ARID1B: variants seen among roughly 807,000 people sequenced by gnomAD.
ARID1B encodes AT-rich interaction domain 1B.
A neutral mutation model predicts 212.3 loss-of-function variants in ARID1B; 30 were observed. The ratio of observed to expected loss-of-function variants is 0.14; its 90% CI spans 0.11 to 0.19. ARID1B has a LOEUF of 0.19. ARID1B is among the 10% of genes least tolerant of loss of function. The probability of loss-of-function intolerance (pLI) is 1.00; values close to 1 mark genes in which losing one functional copy is unlikely to be tolerated. For missense variants in ARID1B, 2,891 were observed against 3,204.0 expected, an observed-to-expected ratio of 0.90 and a Z score of 2.36; for synonymous variants, 1,402 against 1,301.7, an observed-to-expected ratio of 1.08 and a Z score of -1.66.
intron 1 of ARID1B, among the ~76,000 whole-genome samples, chr6:156,788,354 A>G (rs1405029243): frequency 1.3e-5 from 2 of 152,124 alleles, no homozygotes; most frequent in African/African-American, 4.8e-5. Flanking sequence ...AGTTGTATAA[A>G]TTGGTTTTGG....
intron 1 of ARID1B, among the ~76,000 whole-genome samples, chr6:156,791,477 GTTCCATTCT>G (rs1780003257): frequency 6.6e-6 from 1 of 152,232 alleles, no homozygotes; most frequent in African/African-American, 2.4e-5. Context: ...TACGTGAGCT[GTTCCATTCT>G]TAACCTCTTT....
At chr6:156,958,044 GAAT>G (rs1426939898) in intron 4 of ARID1B, among the ~76,000 whole-genome samples, 1 of 152,190 alleles carries the variant, frequency 6.6e-6, no homozygotes, top group Non-Finnish European at 1.5e-5. Context: ...TGGGTAGTTA[GAAT>G]AATATGTTCC....
chr6:157,190,114 C>A lies in ARID1B; in HGVS notation c.4135C>A (p.Pro1379Thr). ...CTTCCCGAAACGGAACTCCATGACTCCAAACGCCCCCTACCAGCAGGGCAT... is the reference window on the plus strand; with the variant it reads ...CTTCCCGAAACGGAACTCCATGACTACAAACGCCCCCTACCAGCAGGGCAT... ...SSFPKRNSMT[P>T]NAPYQQGMSM... Residue 1379 changes from proline (P) to threonine (T), a missense_variant, in exon 15 of 20, where the codon CCA becomes ACA. Pro to Thr is a conservative substitution (Grantham distance 38). This residue lies in a region of ARID1B where 666 missense variants were observed against 873.5 expected (regional missense o/e 0.76). Transcript: ENST00000636930. This position sits in a 1 kb window ranked among gnomAD's most constrained non-coding sequence, Gnocchi z 4.6. 2 of 1,614,220 alleles carry A rather than the reference C, an allele frequency of 1.2e-6. No homozygotes were observed. Among genetic ancestry groups the A allele is most frequent in the Non-Finnish European group, 1.7e-6 (2 of 1,180,050 alleles).
In ARID1B at chr6:157,209,827, T is replaced by C; in HGVS notation, c.*1936T>C. On this transcript the variant is annotated 3_prime_UTR_variant, in exon 20 of 20. Transcript: ENST00000636930. ...TACCTGGTGCACAGTAGCTTTTTAA[T>C]ACTAGTCACTTCTAATTTAAACTTT... 4.3e-6 allele frequency: 1 copy of C among 233,310 alleles called. No individual in the cohort carries two copies. Among genetic ancestry groups the C allele is most frequent in the Non-Finnish European group, 8.5e-6 (1 of 118,056 alleles). 14.5% of individuals were successfully genotyped at this position (233,310 alleles called of 1,614,324 possible). A position where few individuals can be genotyped will look rare whatever the true frequency, so the allele number is the denominator to read the frequency against.
chr6:157,043,707 G>A (rs1415306976), intron 4 of ARID1B, among the ~76,000 whole-genome samples: 1 of 152,110 alleles, frequency 6.6e-6, no homozygotes, highest in Non-Finnish European at 1.5e-5. Flanking sequence ...TTTCCTTGCC[G>A]ATTCTCCTGT....
Position 156,874,086 on chromosome 6 carries a change from T to TTTC in ARID1B, c.1987-27290_1987-27289insTTC, listed in dbSNP as rs1562450964. Among the ~76,000 whole-genome samples, 14 of 152,090 alleles carry TTTC rather than the reference T, an allele frequency of 9.2e-5. No individual in the cohort carries two copies. In the East Asian group the frequency reaches 2.5e-3, roughly 27 times the overall value. Reference sequence around the variant, plus strand: ...GTTTAGGTTTTTTGTTTGTTTGTTTTATTTTGTTTAAACAGGGTCTCACTC... The same window carrying TTTC: ...GTTTAGGTTTTTTGTTTGTTTGTTTTTTCATTTTGTTTAAACAGGGTCTCACTC... On this transcript the variant is annotated intron_variant, in intron 2 of 19. Coordinates refer to ENST00000636930, the MANE Select transcript of ARID1B (RefSeq NM_001374828.1).
chr6:157,010,319 T>TG (rs1779516039), intron 4 of ARID1B, among the ~76,000 whole-genome samples: 1 of 148,310 alleles, frequency 6.7e-6, no homozygotes, highest in Non-Finnish European at 1.5e-5. Flanking sequence ...TTGTTGTTGT[T>TG]TTGGTTTGTT....
intron 11 of ARID1B, among the ~76,000 whole-genome samples, chr6:157,176,795 G>A (rs181645416): frequency 1.5e-3 from 225 of 152,250 alleles, no homozygotes; most frequent in African/African-American, 4.9e-3. Flanking sequence ...GCAGTGAGCC[G>A]AGATCGCGCC....
intron 4 of ARID1B, chr6:157,023,399 T>C (rs1027504884): frequency 2.6e-5 from 4 of 152,236 alleles, no homozygotes; most frequent in Non-Finnish European, 5.9e-5. Flanking sequence ...TTGTGAATAC[T>C]GAATTTATGG....
At chr6:156,854,071 T>C (rs1239963767) in intron 2 of ARID1B, among the ~76,000 whole-genome samples, 1 of 152,216 alleles carries the variant, frequency 6.6e-6, no homozygotes, top group Non-Finnish European at 1.5e-5. Context: ...AGGTGATACT[T>C]GTAAATAATT....
At chr6:157,163,515 T>C (rs1791095775) in intron 8 of ARID1B, among the ~76,000 whole-genome samples, 2 of 152,074 alleles carry the variant, frequency 1.3e-5, no homozygotes, top group South Asian at 4.1e-4. Context: ...CAAGAGCAAA[T>C]AGGATTTCCT....
intron 13 of ARID1B, among the ~76,000 whole-genome samples, chr6:157,188,848 T>TA (rs1415052991): frequency 6.6e-6 from 1 of 152,212 alleles, no homozygotes; most frequent in Non-Finnish European, 1.5e-5. Context: ...CTGCAAATGT[T>TA]ACGTTTTTCC....
chr6:157,076,913 A>G (rs1393663982), intron 4 of ARID1B, among the ~76,000 whole-genome samples: 1 of 152,188 alleles, frequency 6.6e-6, no homozygotes, highest in African/African-American at 2.4e-5. Flanking sequence ...ATACCTTGAG[A>G]GTCATCACCA....
chr6:157,209,701 T>C lies in ARID1B; in HGVS notation c.*1810T>C, dbSNP rs1794677008. The C allele has an allele frequency of 4.3e-6, 1 of 233,286 alleles. No individual in the cohort carries two copies. The highest frequency in any genetic ancestry group is 2.2e-5 in the African/African-American group (1 of 45,488). 14.5% of individuals were successfully genotyped at this position (233,286 alleles called of 1,614,324 possible). A position where few individuals can be genotyped will look rare whatever the true frequency, so the allele number is the denominator to read the frequency against. On this transcript the variant is annotated 3_prime_UTR_variant, in exon 20 of 20. Coordinates refer to ENST00000636930, the MANE Select transcript of ARID1B (RefSeq NM_001374828.1). ...ACTCCACCGTGTATAATATTTATACTGTGCAATGTTAAAAAAGAATCTGTT... is the reference window on the plus strand; with the variant it reads ...ACTCCACCGTGTATAATATTTATACCGTGCAATGTTAAAAAAGAATCTGTT...
chr6:156,778,604 G>T lies in ARID1B; in HGVS notation c.924G>T (p.Ala308=). Residue 308 remains alanine, a synonymous_variant, in exon 1 of 20, where the codon GCG becomes GCT. Coordinates refer to ENST00000636930, the MANE Select transcript of ARID1B (RefSeq NM_001374828.1). ...VAVPGGGGGP[A]AVPEFNNYYG... ...TGCCCGGGGGCGGCGGCGGCCCGGC[G>T]GCCGTCCCGGAGTTTAATAATTACT... The T allele has an allele frequency of 7.8e-7, 1 of 1,282,104 alleles. No individual in the cohort carries two copies. Among genetic ancestry groups the T allele is most frequent in the South Asian group, 2.3e-5 (1 of 43,164 alleles). The allele number at this position is 1,282,104 out of a possible 1,614,324, so 79.4% of individuals were successfully genotyped here. A position where few individuals can be genotyped will look rare whatever the true frequency, so the allele number is the denominator to read the frequency against.
At chr6:157,058,357 C>T (rs577548435) in intron 4 of ARID1B, among the ~76,000 whole-genome samples, 75 of 151,996 alleles carry the variant, frequency 4.9e-4, no homozygotes, top group African/African-American at 1.7e-3. Context: ...CTCCACCTCC[C>T]GGGTTCAAGC....
chr6:156,996,173 G>A (rs1242364933), intron 4 of ARID1B, among the ~76,000 whole-genome samples: 2 of 152,170 alleles, frequency 1.3e-5, no homozygotes, highest in Admixed American at 1.3e-4. Flanking sequence ...TGGGTGGTAA[G>A]GAGTAATCTA....
intron 15 of ARID1B, 144 bp from the exon 16 acceptor site, chr6:157,196,021 A>T: frequency 1.0e-6 from 1 of 996,766 alleles, no homozygotes; most frequent in Non-Finnish European, 1.4e-6. Flanking sequence ...AGATCACACC[A>T]CTGCATTAGC....
intron 2 of ARID1B, among the ~76,000 whole-genome samples, chr6:156,890,675 G>T (rs1338904803): frequency 1.3e-5 from 2 of 152,234 alleles, no homozygotes; most frequent in African/African-American, 4.8e-5. Context: ...ATTCTGCAGT[G>T]TGGGACACTG....
Sources: allele counts gnomAD v4.1 joint callset (sites outside exome capture counted in the v4.1 genomes callset), GRCh38; gene constraint gnomAD v4.1.1; regional missense constraint gnomAD v4.1.1; non-coding constraint Gnocchi (gnomAD v3.1); transcripts MANE v1.5; gene names NCBI Gene and HGNC (gene_info 2026-07-23, HGNC 2026-07-21).